Variants in SV2B observed in about 807,000 individuals in gnomAD.
The protein encoded by SV2B is solute carrier family 22 member B2.
SV2B carries 41 observed loss-of-function variants against 73.9 expected under a neutral mutation model. The observed-to-expected ratio is 0.56, with a 90% confidence interval of 0.43 to 0.72. The LOEUF is 0.72. Among genes scored for constraint, SV2B ranks in the 30% least tolerant of loss-of-function variants. The pLI, the probability that SV2B is intolerant of heterozygous loss-of-function variation, is 0.00. For missense variants in SV2B, 764 were observed against 857.8 expected (o/e 0.89, Z 1.37); for synonymous variants, 314 against 314.2 (o/e 1.00, Z 0.01).
chr15:91,261,893 T>C lies in SV2B; in HGVS notation c.1008+1484T>C, dbSNP rs2047921242. 6.6e-6 allele frequency among the ~76,000 whole-genome samples: 1 copy of C among 152,240 alleles called. No individual in the cohort carries two copies. Among genetic ancestry groups the C allele is most frequent in the Non-Finnish European group, 1.5e-5 (1 of 68,032 alleles). ...CATGCTCTGACAAACCAGGAGGCTA[T>C]AGGCATCTTTGTGCACCCGTTTTTA... On this transcript the variant is annotated intron_variant, in intron 6 of 12. Coordinates refer to ENST00000394232, the MANE Select transcript of SV2B (RefSeq NM_001323032.3). This position sits in a 1 kb window ranked among gnomAD's most constrained non-coding sequence, Gnocchi z 4.7.
intron 9 of SV2B, among the ~76,000 whole-genome samples, chr15:91,274,055 A>C (rs1298239115): frequency 2.0e-5 from 3 of 152,170 alleles, no homozygotes; most frequent in African/African-American, 4.8e-5. Flanking sequence ...TATATAACTC[A>C]ATGTCATTTA....
At chr15:91,164,887 A>G (rs921190522) in intron 1 of SV2B, among the ~76,000 whole-genome samples, 1 of 152,192 alleles carries the variant, frequency 6.6e-6, no homozygotes, top group Non-Finnish European at 1.5e-5. Flanking sequence ...CGTGATTGGG[A>G]TTGGATAGGA....
At chr15:91,237,424 T>G (rs1328659234) in intron 2 of SV2B, among the ~76,000 whole-genome samples, 1 of 152,232 alleles carries the variant, frequency 6.6e-6, no homozygotes, top group Non-Finnish European at 1.5e-5. Flanking sequence ...GAAAAATCAC[T>G]TCCAGTTGAC....
In SV2B at chr15:91,229,257, C is replaced by T. The variant is rs935756258; in HGVS notation, c.451+2543C>T. Among the ~76,000 whole-genome samples, 1 of 151,980 alleles carries T rather than the reference C, an allele frequency of 6.6e-6. No individual in the cohort carries two copies. The highest frequency in any genetic ancestry group is 1.5e-5 in the Non-Finnish European group (1 of 68,000). The stretch of plus-strand genomic sequence containing the variant: ...GGGTTTGGCGACTGGGTACGTCCTA[C>T]ATGTCATCGATCTGCTAGTGACCTT... On this transcript the variant is annotated intron_variant, in intron 2 of 12. Coordinates refer to ENST00000394232, the MANE Select transcript of SV2B (RefSeq NM_001323032.3). The surrounding 1 kb of genome is among the most constrained non-coding windows in gnomAD (Gnocchi z 4.3).
intron 1 of SV2B, among the ~76,000 whole-genome samples, chr15:91,183,295 A>G (rs2044653729): frequency 6.6e-6 from 1 of 152,230 alleles, no homozygotes; most frequent in Non-Finnish European, 1.5e-5. Context: ...CTTCTCTTGG[A>G]TTACCCAGAT....
At chr15:91,256,003 A>T (rs1397963490) in intron 4 of SV2B, among the ~76,000 whole-genome samples, 1 of 152,254 alleles carries the variant, frequency 6.6e-6, no homozygotes, top group Non-Finnish European at 1.5e-5. Context: ...AAGTAAAGGG[A>T]AGTCTTGGCA....
At position 91,252,650 on chromosome 15, in the gene SV2B, A is replaced by G; in HGVS notation, c.784+130A>G. On this transcript the variant is annotated intron_variant, in intron 4 of 12. Coordinates refer to ENST00000394232, the MANE Select transcript of SV2B (RefSeq NM_001323032.3). This position sits in a 1 kb window ranked among gnomAD's most constrained non-coding sequence, Gnocchi z 4.6. Reference sequence around the variant, plus strand: ...CCCGTACGTGACCTTGATCTTTCTTAACAACTTCTAACATTGCAGACACAT... The same window carrying G: ...CCCGTACGTGACCTTGATCTTTCTTGACAACTTCTAACATTGCAGACACAT... 2 of 936,462 alleles carry G rather than the reference A, an allele frequency of 2.1e-6. No homozygotes were observed. Among genetic ancestry groups the G allele is most frequent in the Non-Finnish European group, 2.8e-6 (2 of 706,764 alleles). The allele number at this position is 936,462 out of a possible 1,614,324, so 58.0% of individuals were successfully genotyped here. A position where few individuals can be genotyped will look rare whatever the true frequency, so the allele number is the denominator to read the frequency against.
chr15:91,208,137 C>G (rs567690045), intron 1 of SV2B, among the ~76,000 whole-genome samples: 1 of 152,130 alleles, frequency 6.6e-6, no homozygotes, highest in African/African-American at 2.4e-5. Flanking sequence ...CAGTCTCACC[C>G]GCGTCTGTGA....
At chr15:91,277,015 T>A (rs1208677602) in intron 9 of SV2B, among the ~76,000 whole-genome samples, 1 of 152,062 alleles carries the variant, frequency 6.6e-6, no homozygotes, top group Non-Finnish European at 1.5e-5. Flanking sequence ...AGAGACGGGG[T>A]TTCTCCATGT....
At chr15:91,286,355 C>T (rs374815290) in intron 11 of SV2B, among the ~76,000 whole-genome samples, 1 of 152,178 alleles carries the variant, frequency 6.6e-6, no homozygotes, top group African/African-American at 2.4e-5. Context: ...ATCTGCTGGG[C>T]TCTTTGTAGT....
At position 91,122,657 on chromosome 15, in the gene SV2B, A is replaced by G. The variant is rs1161634142; in HGVS notation, c.-392+22294A>G. Among the ~76,000 whole-genome samples, 1 of 152,224 alleles carries G rather than the reference A, an allele frequency of 6.6e-6. No individual in the cohort carries two copies. Among genetic ancestry groups the G allele is most frequent in the Non-Finnish European group, 1.5e-5 (1 of 68,034 alleles). On this transcript the variant is annotated intron_variant, in intron 1 of 12. Coordinates refer to ENST00000394232, the MANE Select transcript of SV2B (RefSeq NM_001323032.3). The surrounding 1 kb of genome is among the most constrained non-coding windows in gnomAD (Gnocchi z 4.3). ...TTTGCACCTGGGGCTCATCTTCCCC[A>G]ATCATTTGTCTGTTCTTAGTCCTGT...
At position 91,253,231 on chromosome 15, in the gene SV2B, T is replaced by TA. The variant is rs1160854703; in HGVS notation, c.784+713dup. 1.3e-5 allele frequency among the ~76,000 whole-genome samples: 2 copies of TA among 152,248 alleles called. No homozygotes were observed. The highest frequency in any genetic ancestry group is 1.3e-4 in the Admixed American group (2 of 15,292). On this transcript the variant is annotated intron_variant, in intron 4 of 12. Coordinates refer to ENST00000394232, the MANE Select transcript of SV2B (RefSeq NM_001323032.3). This position sits in a 1 kb window ranked among gnomAD's most constrained non-coding sequence, Gnocchi z 5.0. The stretch of plus-strand genomic sequence containing the variant: ...GATTCTGCTTTTGGAGTATACTTAG[T>TA]AATACTATCATCATCATTCAAAATC...
rs767283330 is a variant in SV2B, at chr15:91,267,690, G to C, written c.1208+47G>C. 1 of 1,430,806 alleles carries C rather than the reference G, an allele frequency of 7.0e-7. No homozygotes were observed. The highest frequency in any genetic ancestry group is 1.9e-5 in the Admixed American group (1 of 53,980). 88.6% of individuals were successfully genotyped at this position (1,430,806 alleles called of 1,614,324 possible). A position where few individuals can be genotyped will look rare whatever the true frequency, so the allele number is the denominator to read the frequency against. On this transcript the variant is annotated intron_variant, in intron 8 of 12. Transcript: ENST00000394232. This position sits in a 1 kb window ranked among gnomAD's most constrained non-coding sequence, Gnocchi z 4.3. ...TTTCGTAATTCCCTGTGCCTCAGTG[G>C]CCTCCTTTACACATTGAGGATTACA...
intron 4 of SV2B, among the ~76,000 whole-genome samples, chr15:91,255,434 C>A (rs959108013): frequency 2.0e-5 from 3 of 151,962 alleles, no homozygotes; most frequent in Non-Finnish European, 1.5e-5. Flanking sequence ...GATGCAAAGG[C>A]ATAAGAATGA....
At chr15:91,279,104 T>C (rs149321247) in intron 9 of SV2B, among the ~76,000 whole-genome samples, 1 of 152,388 alleles carries the variant, frequency 6.6e-6, no homozygotes, top group East Asian at 1.9e-4. Context: ...GAGCTTTCAC[T>C]CTTCCTTCAG....
intron 1 of SV2B, among the ~76,000 whole-genome samples, chr15:91,200,289 G>A (rs1226644636): frequency 2.0e-5 from 3 of 152,200 alleles, no homozygotes; most frequent in Non-Finnish European, 2.9e-5. Context: ...TATTTCTCCA[G>A]CAAAATTGCT....
chr15:91,113,624 A>G (rs1008395552), intron 1 of SV2B, among the ~76,000 whole-genome samples: 2 of 152,194 alleles, frequency 1.3e-5, no homozygotes, highest in Non-Finnish European at 2.9e-5. Flanking sequence ...CGATGAATAT[A>G]CCAGGAGCAT....
chr15:91,248,737 GA>G (rs1567390606), intron 2 of SV2B, among the ~76,000 whole-genome samples: 5 of 152,236 alleles, frequency 3.3e-5, no homozygotes, highest in Admixed American at 1.3e-4. Flanking sequence ...TAGAGATGCA[GA>G]ATCTCAGGGC....
Position 91,229,285 on chromosome 15 carries a change from G to T in SV2B, c.451+2571G>T, listed in dbSNP as rs1567367780. ...GTCATCGATCTGCTAGTGACCTTGGGCAAGTTATGACTCCTCTAATTCTCG... is the reference window on the plus strand; with the variant it reads ...GTCATCGATCTGCTAGTGACCTTGGTCAAGTTATGACTCCTCTAATTCTCG... On this transcript the variant is annotated intron_variant, in intron 2 of 12. Transcript: ENST00000394232. The surrounding 1 kb of genome is among the most constrained non-coding windows in gnomAD (Gnocchi z 4.3). Among the ~76,000 whole-genome samples the T allele has an allele frequency of 6.6e-6, 1 of 152,044 alleles. No individual in the cohort carries two copies. The highest frequency in any genetic ancestry group is 1.5e-5 in the Non-Finnish European group (1 of 68,006).
Sources: gnomAD v4.1 joint callset for allele counts (sites outside exome capture counted in the v4.1 genomes callset) on GRCh38, gnomAD v4.1.1 for gene constraint, Gnocchi (gnomAD v3.1) non-coding constraint, MANE v1.5 for transcripts, NCBI Gene and HGNC (gene_info 2026-07-23, HGNC 2026-07-21) for gene names.